MBP: variants seen among roughly 807,000 people sequenced by gnomAD.
MBP encodes the protein myelin basic protein, also known as Golli-MBP.
Under a neutral mutation model 35.8 loss-of-function variants are expected in MBP, and 16 were observed. The ratio of observed to expected loss-of-function variants is 0.45; its 90% CI spans 0.30 to 0.68. The LOEUF is 0.68. Among genes scored for constraint, MBP ranks in the 30% least tolerant of loss-of-function variants. The pLI is 0.08. For synonymous variants in MBP, 143 were observed against 159.6 expected (o/e 0.90, Z 0.78); for missense variants, 380 against 404.7 (o/e 0.94, Z 0.52).
At chr18:77,098,817 G>A (rs1975876147) in intron 2 of MBP, among the ~76,000 whole-genome samples, 2 of 152,174 alleles carry the variant, frequency 1.3e-5, no homozygotes, top group African/African-American at 4.8e-5. Context: ...TCTGAGTCTG[G>A]GCAGATTTAA....
chr18:77,016,652 C>T lies in MBP; in HGVS notation c.576+180G>A, dbSNP rs1971656971. 9 of 1,420,136 alleles carry T rather than the reference C, an allele frequency of 6.3e-6. No homozygotes were observed. The East Asian group carries it at 1.8e-4, about 28-fold the overall frequency. 88.0% of individuals were successfully genotyped at this position (1,420,136 alleles called of 1,614,324 possible). On this transcript the variant is annotated intron_variant, in intron 4 of 8. Coordinates refer to ENST00000355994, the MANE Select transcript of MBP (RefSeq NM_001025101.2). ...AAAGAGGGGGTGAGTTAAACGAAAA[C>T]GTCCTAAGCAGCCACTCAGGCCCAC...
At chr18:77,123,260 A>C (rs1976944272) in intron 1 of MBP, among the ~76,000 whole-genome samples, 1 of 152,256 alleles carries the variant, frequency 6.6e-6, no homozygotes, top group African/African-American at 2.4e-5. Flanking sequence ...ATGAGTATCC[A>C]TAAACGTTCC....
In MBP at chr18:77,101,327, A is replaced by G. The variant is rs919796703; in HGVS notation, c.51+3884T>C. On this transcript the variant is annotated intron_variant, in intron 2 of 8. Coordinates refer to ENST00000355994, the MANE Select transcript of MBP (RefSeq NM_001025101.2). The surrounding 1 kb of genome is among the most constrained non-coding windows in gnomAD (Gnocchi z 4.3). ...GGGCAGAGTGATAGAAAGCTGGTAA[A>G]TTAGTGAGGCAGGACCATTTGGAAA... Among the ~76,000 whole-genome samples, 2 of 152,230 alleles carry G rather than the reference A, an allele frequency of 1.3e-5. No homozygotes were observed. The highest frequency in any genetic ancestry group is 6.5e-5 in the Admixed American group (1 of 15,286).
intron 7 of MBP, chr18:76,985,384 GCA>G (rs781145097): frequency 2.6e-5 from 33 of 1,250,412 alleles, no homozygotes; most frequent in Non-Finnish European, 3.3e-5. Flanking sequence ...TGATTGATTT[GCA>G]CAGATTGGAT....
At chr18:77,060,042 T>C (rs1287757326) in intron 3 of MBP, among the ~76,000 whole-genome samples, 3 of 152,208 alleles carry the variant, frequency 2.0e-5, no homozygotes, top group Non-Finnish European at 4.4e-5. Flanking sequence ...GCGTGGTGGC[T>C]CATGCCTGTA....
At chr18:77,121,309 CA>C (rs11331748) in intron 1 of MBP, among the ~76,000 whole-genome samples, 64,202 of 143,516 alleles carry the variant, frequency 0.45, 14,401 homozygotes, top group African/African-American at 0.58. Context: ...GACTGTGTCT[CA>C]AAAAAAAAAA....
At chr18:77,065,636 C>T (rs1246180448) in intron 3 of MBP, 1 of 152,176 alleles carries the variant, frequency 6.6e-6, no homozygotes, top group African/African-American at 2.4e-5. Flanking sequence ...GGCTTTGGTG[C>T]AATTTCATTT....
rs1201771464 is a variant in MBP, at chr18:77,131,079, G to GCA, written c.-26+1499_-26+1500dup. 1.8e-3 allele frequency among the ~76,000 whole-genome samples: 70 copies of GCA among 39,074 alleles called. No individual in the cohort carries two copies. The highest frequency in any genetic ancestry group is 0.018 in the East Asian group (27 of 1,522). The allele number at this position is 39,074 out of a possible 152,430, so 25.6% of individuals were successfully genotyped here. On this transcript the variant is annotated intron_variant, in intron 1 of 8. Coordinates refer to ENST00000355994, the MANE Select transcript of MBP (RefSeq NM_001025101.2). This position sits in a 1 kb window ranked among gnomAD's most constrained non-coding sequence, Gnocchi z 5.5. Reference sequence around the variant, plus strand: ...AAACAAAACACACACACGCGCGCACGCACGCGCACACACACACACACACAC... The same window carrying GCA: ...AAACAAAACACACACACGCGCGCACGCACACGCGCACACACACACACACACAC...
chr18:77,010,496 A>G (rs966698568), intron 4 of MBP, among the ~76,000 whole-genome samples: 1 of 152,208 alleles, frequency 6.6e-6, no homozygotes, highest in South Asian at 2.1e-4. Flanking sequence ...GGTTCAGTGA[A>G]CCGAGGACGG....
intron 2 of MBP, among the ~76,000 whole-genome samples, chr18:77,099,291 G>A (rs1975901950): frequency 1.3e-5 from 2 of 152,174 alleles, no homozygotes. Context: ...GAGCTGTGCT[G>A]CCCAGACCTA....
intron 2 of MBP, among the ~76,000 whole-genome samples, chr18:77,076,729 GA>G (rs1400237286): frequency 6.6e-6 from 1 of 152,010 alleles, no homozygotes; most frequent in Non-Finnish European, 1.5e-5. Flanking sequence ...AATGATTCTT[GA>G]AAAAAGGGCC....
In MBP at chr18:76,979,636, C is replaced by T. The variant is rs908641140; in HGVS notation, c.*791G>A. 4 of 384,334 alleles carry T rather than the reference C, an allele frequency of 1.0e-5. No individual in the cohort carries two copies. The highest frequency in any genetic ancestry group is 8.3e-5 in the African/African-American group (4 of 48,432). 23.8% of individuals were successfully genotyped at this position (384,334 alleles called of 1,614,324 possible). On this transcript the variant is annotated 3_prime_UTR_variant, in exon 9 of 9. Coordinates refer to ENST00000355994, the MANE Select transcript of MBP (RefSeq NM_001025101.2). ...GCTGCTCTGGGGCCACCATGCAGGGCAACGGTGACGTCCAGAGGCCACCTG... is the reference window on the plus strand; with the variant it reads ...GCTGCTCTGGGGCCACCATGCAGGGTAACGGTGACGTCCAGAGGCCACCTG...
In MBP at chr18:77,028,634, C is replaced by T. The variant is rs1274440939; in HGVS notation, c.140-11366G>A. On this transcript the variant is annotated intron_variant, in intron 3 of 8. Coordinates refer to ENST00000355994, the MANE Select transcript of MBP (RefSeq NM_001025101.2). ...CGGGCGGGGGGCTGACCCCCCCCCA[C>T]CTCCCTCCCGGACGGGGCAGCTGGC... Among the ~76,000 whole-genome samples the T allele has an allele frequency of 1.5e-3, 105 of 68,164 alleles. 7 individuals carry two copies. Among genetic ancestry groups the T allele is most frequent in the African/African-American group, 3.8e-3 (94 of 24,532 alleles). The allele number at this position is 68,164 out of a possible 152,430, so 44.7% of individuals were successfully genotyped here.
Position 76,989,196 on chromosome 18 carries a change from T to C in MBP, c.682-284A>G. 3.2e-6 allele frequency: 2 copies of C among 616,284 alleles called. No homozygotes were observed. The highest frequency in any genetic ancestry group is 3.0e-6 in the Non-Finnish European group (1 of 334,336). The allele number at this position is 616,284 out of a possible 1,614,324, so 38.2% of individuals were successfully genotyped here. A position where few individuals can be genotyped will look rare whatever the true frequency, so the allele number is the denominator to read the frequency against. ...GGGGAATGGGCCCATCTTGGGACAC[T>C]GAGGGAGGCGGCGGACTTTGCTTCA... is the stretch of plus-strand genomic sequence containing the variant. On this transcript the variant is annotated intron_variant, in intron 5 of 8. Coordinates refer to ENST00000355994, the MANE Select transcript of MBP (RefSeq NM_001025101.2). The surrounding 1 kb of genome is among the most constrained non-coding windows in gnomAD (Gnocchi z 4.0).
intron 4 of MBP, among the ~76,000 whole-genome samples, chr18:77,009,332 T>C (rs1035237353): frequency 1.3e-5 from 2 of 152,230 alleles, no homozygotes; most frequent in African/African-American, 4.8e-5. Flanking sequence ...AGAGCCCAGC[T>C]GAGCTCAGGT....
intron 1 of MBP, among the ~76,000 whole-genome samples, chr18:77,112,064 T>C (rs1193583309): frequency 6.6e-6 from 1 of 152,146 alleles, no homozygotes; most frequent in East Asian, 1.9e-4. Context: ...CAAGCAATCA[T>C]TTTTATTTCT....
chr18:77,007,258 GGAGGAA>G (rs963176651), intron 4 of MBP, among the ~76,000 whole-genome samples: 1 of 152,180 alleles, frequency 6.6e-6, no homozygotes, highest in African/African-American at 2.4e-5. Flanking sequence ...CCAAAGTACC[GGAGGAA>G]GGCATTCTAA....
chr18:77,123,321 G>A (rs1207046503), intron 1 of MBP, among the ~76,000 whole-genome samples: 1 of 152,110 alleles, frequency 6.6e-6, no homozygotes, highest in African/African-American at 2.4e-5. Context: ...TCTAAATATG[G>A]AAAAAGCATC....
intron 2 of MBP, among the ~76,000 whole-genome samples, chr18:77,074,564 C>A (rs1041567181): frequency 6.6e-6 from 1 of 152,120 alleles, no homozygotes; most frequent in African/African-American, 2.4e-5. Flanking sequence ...CAGTGTCTGG[C>A]CCCCATCCAG....
Sources: allele counts gnomAD v4.1 joint callset (sites outside exome capture counted in the v4.1 genomes callset), GRCh38; gene constraint gnomAD v4.1.1; non-coding constraint Gnocchi (gnomAD v3.1); transcripts MANE v1.5; gene names NCBI Gene and HGNC (gene_info 2026-07-23, HGNC 2026-07-21).